The following SC5D variants were observed in gnomAD, a reference collection of about 807,000 sequenced individuals.
SC5D encodes the protein sterol-C5-desaturase, also known as lathosterol oxidase.
In SC5D, 21 loss-of-function variants were observed where a neutral mutation model predicts 23.9. That is an observed-to-expected ratio of 0.88 (90% CI 0.62 to 1.26). The LOEUF is 1.26. Among genes scored for constraint, SC5D ranks in the 50% most tolerant of loss-of-function variants. The pLI, the probability that SC5D is intolerant of heterozygous loss-of-function variation, is 0.00. For synonymous variants in SC5D, 113 were observed against 125.9 expected (o/e 0.90, Z 0.68); for missense variants, 309 against 364.8 (o/e 0.85, Z 1.25).
rs1260884830 is a variant in SC5D at position 121,311,086 on chromosome 11, T to A, written c.*3574T>A. Among the ~76,000 whole-genome samples the A allele has an allele frequency of 6.6e-6, 1 of 152,236 alleles. No individual in the cohort carries two copies. The highest frequency in any genetic ancestry group is 1.5e-5 in the Non-Finnish European group (1 of 68,038). On this transcript the variant is annotated 3_prime_UTR_variant, in exon 5 of 5. Coordinates refer to ENST00000264027, the MANE Select transcript of SC5D (RefSeq NM_006918.5). ...TTATGTGTGTCTTACCTATTTGAGA[T>A]GCCAGATTCCTTGGAAGTAGAGACC... is the stretch of plus-strand genomic sequence containing the variant.
rs1212622348 is a variant in SC5D at position 121,310,722 on chromosome 11, A to G, written c.*3210A>G. Among the ~76,000 whole-genome samples the G allele has an allele frequency of 1.3e-5, 2 of 152,016 alleles. No individual in the cohort carries two copies. Among genetic ancestry groups the G allele is most frequent in the East Asian group, 3.8e-4 (2 of 5,200 alleles). On this transcript the variant is annotated 3_prime_UTR_variant, in exon 5 of 5. Transcript: ENST00000264027. ...TGATCTGCCTGCCTCGGCCTCCCAA[A>G]GTGCTGGGATTATAGGTGTGAGCCA... is the stretch of plus-strand genomic sequence containing the variant.
intron 3 of SC5D, chr11:121,304,783 TA>T (rs963328699): frequency 2.3e-5 from 7 of 308,766 alleles, no homozygotes; most frequent in African/African-American, 4.3e-5. Context: ...TTCAACCTTC[TA>T]AAAAAAACTT....
At chr11:121,294,067 A>G (rs1468079503) in intron 1 of SC5D, among the ~76,000 whole-genome samples, 1 of 152,256 alleles carries the variant, frequency 6.6e-6, no homozygotes, top group African/African-American at 2.4e-5. Flanking sequence ...AATATTAGCT[A>G]TCATTTTCTA....
chr11:121,303,663 A>T, intron 2 of SC5D, 78 bp downstream of exon 2: 1 of 1,216,832 alleles, frequency 8.2e-7, no homozygotes, highest in Non-Finnish European at 1.2e-6. Flanking sequence ...TTTTTAGATT[A>T]AGCTGATTAT....
intron 2 of SC5D, chr11:121,303,822 T>C (rs1211503268): frequency 2.3e-6 from 1 of 444,348 alleles, no homozygotes; most frequent in African/African-American, 2.0e-5. Context: ...GCTAGATGCA[T>C]ATTGGAGCAT....
chr11:121,299,824 G>A (rs1023597932), intron 1 of SC5D, among the ~76,000 whole-genome samples: 4 of 152,220 alleles, frequency 2.6e-5, no homozygotes, highest in Admixed American at 2.6e-4. Context: ...AGCCCGGGAG[G>A]CAGAGGTTGC....
chr11:121,307,317 C>CT lies in SC5D; in HGVS notation c.708dup (p.Asp237Ter), dbSNP rs1259035089. 1.2e-6 allele frequency: 2 copies of CT among 1,614,138 alleles called. No individual in the cohort carries two copies. Among genetic ancestry groups the CT allele is most frequent in the Admixed American group, 1.7e-5 (1 of 60,024 alleles). On this transcript the variant is annotated frameshift_variant, in exon 5 of 5. Coordinates refer to ENST00000264027, the MANE Select transcript of SC5D (RefSeq NM_006918.5). LOFTEE classifies it high-confidence loss of function. The stretch of plus-strand genomic sequence containing the variant: ...CTCATCATACAGACCACCATATGTT[C>CT]TTTGACTATAATTATGGACAATATT...
chr11:121,304,792 C>A, intron 3 of SC5D: 1 of 307,936 alleles, frequency 3.2e-6, no homozygotes, highest in Non-Finnish European at 6.2e-6. Context: ...CTAAAAAAAA[C>A]TTGAGTAGCT....
chr11:121,301,070 T>A (rs1947922799), intron 1 of SC5D, among the ~76,000 whole-genome samples: 1 of 152,104 alleles, frequency 6.6e-6, no homozygotes, highest in Non-Finnish European at 1.5e-5. Context: ...AATATCCCAT[T>A]TTCCATAAAA....
intron 3 of SC5D, 68 bp from the exon 4 acceptor site, chr11:121,306,317 CA>C: frequency 5.1e-6 from 4 of 777,590 alleles, no homozygotes; most frequent in South Asian, 4.3e-5. Context: ...CTCAGATGGA[CA>C]TGTGAAAAGT....
chr11:121,311,917 A>G lies in SC5D; in HGVS notation c.*4405A>G, dbSNP rs1591507725. ...AGAGGGCAGAAGCCTAGATATTTTC[A>G]CCTTAAAATTGGAGGGTGAAAGACA... On this transcript the variant is annotated 3_prime_UTR_variant, in exon 5 of 5. Transcript: ENST00000264027. 6.6e-6 allele frequency among the ~76,000 whole-genome samples: 1 copy of G among 152,192 alleles called. No individual in the cohort carries two copies. The highest frequency in any genetic ancestry group is 6.5e-5 in the Admixed American group (1 of 15,286).
Position 121,307,717 on chromosome 11 carries a change from T to G in SC5D, c.*205T>G, listed in dbSNP as rs1011746511. The stretch of plus-strand genomic sequence containing the variant: ...TGTGAACACCAGGACTTTAATCTTA[T>G]GCTTAAAATGCCAGATGTTGTTCGG... On this transcript the variant is annotated 3_prime_UTR_variant, in exon 5 of 5. Transcript: ENST00000264027. 1 of 504,030 alleles carries G rather than the reference T, an allele frequency of 2.0e-6. No homozygotes were observed. The highest frequency in any genetic ancestry group is 3.5e-6 in the Non-Finnish European group (1 of 286,166). 31.2% of individuals were successfully genotyped at this position (504,030 alleles called of 1,614,324 possible). A position where few individuals can be genotyped will look rare whatever the true frequency, so the allele number is the denominator to read the frequency against.
At chr11:121,304,277 A>G in intron 2 of SC5D, 84 bp from the exon 3 acceptor site, 10 of 1,316,570 alleles carry the variant, frequency 7.6e-6, no homozygotes, top group Non-Finnish European at 8.7e-6. Flanking sequence ...AAGAGATTTT[A>G]AAAATCCAGT....
chr11:121,294,570 A>G (rs1477335150), intron 1 of SC5D, among the ~76,000 whole-genome samples: 3 of 152,168 alleles, frequency 2.0e-5, no homozygotes, highest in East Asian at 1.9e-4. Flanking sequence ...TATATTAAAT[A>G]TTACTATCAA....
At position 121,310,993 on chromosome 11, in the gene SC5D, A is replaced by T. The variant is rs1024943340; in HGVS notation, c.*3481A>T. Reference sequence around the variant, plus strand: ...GAAATTTGCATTCCTGATCTTCCCAACTTCTTCAAATTCACAACACTTGAA... The same window carrying T: ...GAAATTTGCATTCCTGATCTTCCCATCTTCTTCAAATTCACAACACTTGAA... On this transcript the variant is annotated 3_prime_UTR_variant, in exon 5 of 5. Coordinates refer to ENST00000264027, the MANE Select transcript of SC5D (RefSeq NM_006918.5). 1.3e-5 allele frequency among the ~76,000 whole-genome samples: 2 copies of T among 152,240 alleles called. No homozygotes were observed. Among genetic ancestry groups the T allele is most frequent in the African/African-American group, 4.8e-5 (2 of 41,462 alleles).
intron 1 of SC5D, among the ~76,000 whole-genome samples, chr11:121,301,287 C>A (rs1038285922): frequency 6.9e-6 from 1 of 145,798 alleles, no homozygotes; most frequent in African/African-American, 2.5e-5. Flanking sequence ...TAGAGAATAT[C>A]AATAAAGTGA....
intron 3 of SC5D, chr11:121,304,716 G>C: frequency 2.0e-6 from 1 of 496,050 alleles, no homozygotes; most frequent in African/African-American, 1.9e-5. Context: ...TGTGTCTGGC[G>C]GAAGATTGGA....
chr11:121,295,729 T>A (rs1233092387), intron 1 of SC5D, among the ~76,000 whole-genome samples: 1 of 152,196 alleles, frequency 6.6e-6, no homozygotes, highest in East Asian at 1.9e-4. Context: ...CCATCATTCC[T>A]TACCCACCCC....
At chr11:121,300,204 AG>A (rs1947916369) in intron 1 of SC5D, among the ~76,000 whole-genome samples, 1 of 152,238 alleles carries the variant, frequency 6.6e-6, no homozygotes, top group African/African-American at 2.4e-5. Flanking sequence ...TATGAGTTAA[AG>A]CTTTACAATA....
Sources: gnomAD v4.1 joint callset for allele counts (sites outside exome capture counted in the v4.1 genomes callset) on GRCh38, gnomAD v4.1.1 for gene constraint, MANE v1.5 for transcripts, NCBI Gene and HGNC (gene_info 2026-07-23, HGNC 2026-07-21) for gene names.